TEKT5: variants seen among roughly 807,000 people sequenced by gnomAD.
TEKT5 encodes tektin 5, also known as tektin-5.
Under a neutral mutation model 48.7 loss-of-function variants are expected in TEKT5, and 52 were observed. The observed-to-expected ratio is 1.07, with a 90% confidence interval of 0.86 to 1.35. TEKT5 has a LOEUF of 1.35. Ranked by LOEUF, TEKT5 falls within the 40% of genes most tolerant of loss-of-function variation. TEKT5 has a pLI of 0.00. For missense variants in TEKT5, 831 were observed against 641.6 expected (o/e 1.30, Z -3.19); for synonymous variants, 318 against 267.6 (o/e 1.19, Z -1.84).
chr16:10,687,551 C>G (rs2719731), intron 3 of TEKT5, among the ~76,000 whole-genome samples: 85,003 of 151,672 alleles, frequency 0.56, 24,505 homozygotes, highest in East Asian at 0.8. Context: ...TCAGGAGTTC[C>G]AGACCAGCCT....
intron 5 of TEKT5, among the ~76,000 whole-genome samples, chr16:10,648,244 T>A (rs912367471): frequency 6.6e-6 from 1 of 152,206 alleles, no homozygotes; most frequent in Non-Finnish European, 1.5e-5. Context: ...GACTCTTACA[T>A]GAATCATCTC....
At position 10,689,937 on chromosome 16, in the gene TEKT5, C is replaced by T; in HGVS notation, c.648+5G>A. 1 of 1,614,036 alleles carries T rather than the reference C, an allele frequency of 6.2e-7. No homozygotes were observed. The highest frequency in any genetic ancestry group is 2.2e-5 in the East Asian group (1 of 44,876). On this transcript the variant is annotated splice_donor_5th_base_variant and intron_variant, in intron 2 of 6. Transcript: ENST00000283025. ...GGGGCTGGGCAGAACCAGGAGATGC[C>T]TTACCCGGATAAGGTTTTTCTCCAC...
intron 5 of TEKT5, chr16:10,671,618 T>C (rs1260992374): frequency 6.6e-6 from 1 of 152,198 alleles, no homozygotes; most frequent in Non-Finnish European, 1.5e-5. Flanking sequence ...AGAATGGTAG[T>C]TACTTGTATT....
intron 6 of TEKT5, among the ~76,000 whole-genome samples, chr16:10,632,949 T>G (rs1897859798): frequency 6.7e-6 from 1 of 148,716 alleles, no homozygotes. Flanking sequence ...TCCACCTCCT[T>G]GCTTTCTGTC....
intron 1 of TEKT5, among the ~76,000 whole-genome samples, chr16:10,692,279 T>C (rs1374506179): frequency 6.6e-6 from 1 of 152,086 alleles, no homozygotes; most frequent in Non-Finnish European, 1.5e-5. Context: ...GCCCTGCCCA[T>C]CATTCTTCCC....
At chr16:10,648,823 G>A (rs550661517) in intron 5 of TEKT5, among the ~76,000 whole-genome samples, 1 of 152,216 alleles carries the variant, frequency 6.6e-6, no homozygotes, top group Non-Finnish European at 1.5e-5. Flanking sequence ...CAGGCCACAG[G>A]CTCAGACTGC....
rs142303042 is a variant in TEKT5 at position 10,646,371 on chromosome 16, C to T, written c.1087-10453G>A. Among the ~76,000 whole-genome samples the T allele has an allele frequency of 3.7e-4, 57 of 152,242 alleles. 1 individual carries two copies. The East Asian group carries it at 8.9e-3, about 24-fold the overall frequency. On this transcript the variant is annotated intron_variant, in intron 5 of 6. Coordinates refer to ENST00000283025, the MANE Select transcript of TEKT5 (RefSeq NM_144674.2). ...ACAAATTATAGAATCCTGCCCATCTCGGATTTTAAGATAGGGGAAAACTGA... is the reference window on the plus strand; with the variant it reads ...ACAAATTATAGAATCCTGCCCATCTTGGATTTTAAGATAGGGGAAAACTGA...
At chr16:10,679,899 A>G (rs10221119) in intron 4 of TEKT5, among the ~76,000 whole-genome samples, 10 of 88,726 alleles carry the variant, frequency 1.1e-4, no homozygotes, top group African/African-American at 5.6e-4. Context: ...CTCGGTCTCA[A>G]ATAAATAAAT....
rs1036596715 is a variant in TEKT5 at position 10,690,088 on chromosome 16, G to A, written c.565-63C>T. The A allele has an allele frequency of 6.4e-6, 10 of 1,551,710 alleles. No individual in the cohort carries two copies. The African/African-American group carries it at 1.4e-4, about 21-fold the overall frequency. The stretch of plus-strand genomic sequence containing the variant: ...GCTGTATGTAGACCCTGAGCAGAAG[G>A]GACTCACATCCACCCTTGCCACAAT... On this transcript the variant is annotated intron_variant, in intron 1 of 6. Coordinates refer to ENST00000283025, the MANE Select transcript of TEKT5 (RefSeq NM_144674.2).
intron 2 of TEKT5, 81 bp from the exon 3 acceptor site, chr16:10,689,404 C>A: frequency 7.8e-7 from 1 of 1,276,966 alleles, no homozygotes; most frequent in Non-Finnish European, 1.1e-6. Context: ...CTCAGCTCTC[C>A]CCTCCCCTCT....
intron 1 of TEKT5, among the ~76,000 whole-genome samples, chr16:10,692,302 G>A (rs566038028): frequency 6.6e-6 from 1 of 152,236 alleles, no homozygotes; most frequent in Non-Finnish European, 1.5e-5. Flanking sequence ...GGAGAATCTG[G>A]GGTTGTATAG....
chr16:10,654,002 GTGTGTGTGTGTGCA>G (rs796714403), intron 5 of TEKT5, among the ~76,000 whole-genome samples: 3,599 of 146,648 alleles, frequency 0.025, 136 homozygotes, highest in African/African-American at 0.089. Context: ...GTGTGAACGT[GTGTGTGTGTGTGCA>G]TGTGTGTGTG....
chr16:10,632,869 G>GACACAC (rs35503579), intron 6 of TEKT5, among the ~76,000 whole-genome samples: 12,888 of 131,494 alleles, frequency 0.098, 834 homozygotes, highest in African/African-American at 0.16. Context: ...CACAGATGCA[G>GACACAC]ACACACACAC....
intron 5 of TEKT5, among the ~76,000 whole-genome samples, chr16:10,647,222 C>A (rs1024155737): frequency 3.3e-5 from 5 of 151,964 alleles, no homozygotes; most frequent in African/African-American, 1.2e-4. Context: ...GTGGTCCCAG[C>A]ACTTTGGGAG....
chr16:10,631,693 T>C (rs1010199871), intron 6 of TEKT5, among the ~76,000 whole-genome samples: 2 of 151,794 alleles, frequency 1.3e-5, no homozygotes, highest in African/African-American at 4.8e-5. Flanking sequence ...GTTTGAGACA[T>C]GGAGACATGC....
intron 5 of TEKT5, among the ~76,000 whole-genome samples, chr16:10,650,883 TAA>T (rs546133425): frequency 1.5e-4 from 20 of 130,604 alleles, no homozygotes; most frequent in South Asian, 2.6e-4. Flanking sequence ...AGACTCCATC[TAA>T]AAAAAAAAAA....
At chr16:10,672,197 G>T (rs1898559809) in intron 5 of TEKT5, among the ~76,000 whole-genome samples, 2 of 150,924 alleles carry the variant, frequency 1.3e-5, no homozygotes, top group South Asian at 4.2e-4. Flanking sequence ...ATAAAAATGG[G>T]TCTTTGCATG....
intron 4 of TEKT5, among the ~76,000 whole-genome samples, chr16:10,681,249 G>A (rs1898742771): frequency 1.3e-5 from 2 of 152,186 alleles, no homozygotes; most frequent in African/African-American, 4.8e-5. Flanking sequence ...GCCCTGGGAA[G>A]TGGGTACTTA....
Position 10,630,039 on chromosome 16 carries a change from G to A in TEKT5, c.1242-2240C>T, listed in dbSNP as rs897852129. On this transcript the variant is annotated intron_variant, in intron 6 of 6. Coordinates refer to ENST00000283025, the MANE Select transcript of TEKT5 (RefSeq NM_144674.2). The stretch of plus-strand genomic sequence containing the variant: ...CAGCCTCAACTTCCTTGGCTTAAGC[G>A]TTCCTCCAGCCTCAGCCTCCCAAGT... Among the ~76,000 whole-genome samples, 18 of 152,010 alleles carry A rather than the reference G, an allele frequency of 1.2e-4. 1 individual carries two copies. Among genetic ancestry groups the A allele is most frequent in the Admixed American group, 9.8e-4 (15 of 15,274 alleles).
Sources: allele counts gnomAD v4.1 joint callset (sites outside exome capture counted in the v4.1 genomes callset), GRCh38; gene constraint gnomAD v4.1.1; transcripts MANE v1.5; gene names NCBI Gene and HGNC (gene_info 2026-07-23, HGNC 2026-07-21).